The following GPBP1 variants were observed in gnomAD, a reference collection of about 807,000 sequenced individuals.
GPBP1 encodes the protein GC-rich promoter binding protein 1, also known as vasculin.
In GPBP1, 13 loss-of-function variants were observed where a neutral mutation model predicts 56.5. The observed-to-expected ratio is 0.23, with a 90% CI of 0.15 to 0.37. The LOEUF (loss-of-function observed/expected upper bound fraction) is 0.37, where lower values mean the gene tolerates loss of function less well. Among genes scored for constraint, GPBP1 ranks in the 10% least tolerant of loss-of-function variants. The pLI is 1.00. For missense variants in GPBP1, 477 were observed against 572.3 expected, an observed-to-expected ratio of 0.83 and a Z score of 1.70; for synonymous variants, 204 against 188.9, an observed-to-expected ratio of 1.08 and a Z score of -0.66.
chr5:57,236,621 T>A (rs575670699), intron 6 of GPBP1, among the ~76,000 whole-genome samples: 11 of 152,072 alleles, frequency 7.2e-5, no homozygotes, highest in Non-Finnish European at 1.5e-4. Flanking sequence ...TTTAAAAGAC[T>A]GCTGACAGTT....
At chr5:57,213,740 AGTT>A (rs1263389481) in intron 2 of GPBP1, among the ~76,000 whole-genome samples, 1 of 152,178 alleles carries the variant, frequency 6.6e-6, no homozygotes, top group Non-Finnish European at 1.5e-5. Context: ...TTTGATGTCT[AGTT>A]GTCTATTTGA....
chr5:57,178,768 T>G (rs1753909150), intron 2 of GPBP1, among the ~76,000 whole-genome samples: 1 of 152,248 alleles, frequency 6.6e-6, no homozygotes, highest in African/African-American at 2.4e-5. Flanking sequence ...GAATAAATAG[T>G]TGCATCCGTT....
chr5:57,196,008 T>TAAAAAAA (rs1561330293), intron 2 of GPBP1, among the ~76,000 whole-genome samples: 14 of 53,960 alleles, frequency 2.6e-4, no homozygotes, highest in South Asian at 1.2e-3. Context: ...AAAAAAAAAT[T>TAAAAAAA]TTTTTTTTTT....
intron 2 of GPBP1, among the ~76,000 whole-genome samples, chr5:57,187,886 GATAT>G (rs35653365): frequency 4.7e-5 from 7 of 149,010 alleles, no homozygotes; most frequent in Admixed American, 2.7e-4. Context: ...GCAGAAACCA[GATAT>G]ATATATATAT....
intron 2 of GPBP1, among the ~76,000 whole-genome samples, chr5:57,202,380 C>T (rs995614449): frequency 2.0e-5 from 3 of 152,136 alleles, no homozygotes; most frequent in Non-Finnish European, 2.9e-5. Flanking sequence ...GCTTCACCTC[C>T]CAGGTTGAAG....
At position 57,239,368 on chromosome 5, in the gene GPBP1, G is replaced by A. The variant is rs541754766; in HGVS notation, c.478+3336G>A. Among the ~76,000 whole-genome samples the A allele has an allele frequency of 9.2e-5, 14 of 152,278 alleles. No individual in the cohort carries two copies. The East Asian group carries it at 1.7e-3, about 19-fold the overall frequency. ...TATATGAATAACGTTGAGAGCCCCCGTTAAAGGGGGAAAGTACCATATCGA... is the reference window on the plus strand; with the variant it reads ...TATATGAATAACGTTGAGAGCCCCCATTAAAGGGGGAAAGTACCATATCGA... On this transcript the variant is annotated intron_variant, in intron 6 of 11. Coordinates refer to ENST00000506184, the MANE Select transcript of GPBP1 (RefSeq NM_022913.4).
chr5:57,217,714 A>C (rs1192649587), intron 3 of GPBP1, among the ~76,000 whole-genome samples: 1 of 151,914 alleles, frequency 6.6e-6, no homozygotes, highest in African/African-American at 2.4e-5. Context: ...CCATTTTCAG[A>C]AAAAGCATAT....
rs1753782030 is a variant in GPBP1 at position 57,176,181 on chromosome 5, A to G, written c.-277A>G. ...ATAATAAAGAAGACTTTGATCTTAA[A>G]TCTAAAGAACTTGGCTAATTCGGGA... is the stretch of plus-strand genomic sequence containing the variant. On this transcript the variant is annotated 5_prime_UTR_variant, in exon 2 of 12. Transcript: ENST00000506184. 1 of 394,232 alleles carries G rather than the reference A, an allele frequency of 2.5e-6. No homozygotes were observed. Among genetic ancestry groups the G allele is most frequent in the South Asian group, 1.4e-4 (1 of 7,026 alleles). 24.4% of individuals were successfully genotyped at this position (394,232 alleles called of 1,614,324 possible). A position where few individuals can be genotyped will look rare whatever the true frequency, so the allele number is the denominator to read the frequency against.
chr5:57,214,238 AT>A, intron 3 of GPBP1, 45 bp downstream of exon 3: 1 of 1,404,990 alleles, frequency 7.1e-7, no homozygotes, highest in Non-Finnish European at 1.0e-6. Context: ...TCTTGCATTC[AT>A]TTTTTACACA....
intron 6 of GPBP1, chr5:57,245,548 G>GT (rs1741050713): frequency 6.6e-6 from 1 of 152,288 alleles, no homozygotes; most frequent in Admixed American, 6.5e-5. Context: ...GCTTTTAAAA[G>GT]TTTTTGTAAG....
chr5:57,245,999 A>G (rs1741070337), intron 6 of GPBP1: 1 of 207,322 alleles, frequency 4.8e-6, no homozygotes, highest in South Asian at 1.8e-4. Flanking sequence ...TTTTATAGTT[A>G]ATGCAAGGCA....
In GPBP1 at chr5:57,219,567, T is replaced by C. The variant is rs78964777; in HGVS notation, c.63+5374T>C. Among the ~76,000 whole-genome samples, 1,663 of 152,088 alleles carry C rather than the reference T, an allele frequency of 0.011. 49 individuals carry two copies. The East Asian group carries it at 0.13, about 12-fold the overall frequency. ...TTATTGACTTTTGCCACCTTCTCAT[T>C]CGTGTGTGGGTCCCTGGAATTCCCC... On this transcript the variant is annotated intron_variant, in intron 3 of 11. Transcript: ENST00000506184.
At chr5:57,233,508 C>T (rs977422187) in intron 5 of GPBP1, among the ~76,000 whole-genome samples, 91 of 152,178 alleles carry the variant, frequency 6.0e-4, no homozygotes, top group Admixed American at 3.2e-3. Context: ...TAGTAGCCTA[C>T]TGCTGACCAA....
At position 57,219,286 on chromosome 5, in the gene GPBP1, G is replaced by T. The variant is rs189352644; in HGVS notation, c.63+5093G>T. ...AGCTACTCGGGAGGCTGAGGCAGGAGAATTGCTTGAACCCGGGAGGCAGAG... is the reference window on the plus strand; with the variant it reads ...AGCTACTCGGGAGGCTGAGGCAGGATAATTGCTTGAACCCGGGAGGCAGAG... On this transcript the variant is annotated intron_variant, in intron 3 of 11. Coordinates refer to ENST00000506184, the MANE Select transcript of GPBP1 (RefSeq NM_022913.4). 7.5e-5 allele frequency among the ~76,000 whole-genome samples: 11 copies of T among 145,916 alleles called. No individual in the cohort carries two copies. The East Asian group carries it at 2.3e-3, about 30-fold the overall frequency.
At chr5:57,219,411 C>CAAAAAAAAA (rs1561348407) in intron 3 of GPBP1, among the ~76,000 whole-genome samples, 19 of 75,868 alleles carry the variant, frequency 2.5e-4, no homozygotes, top group South Asian at 5.1e-4. Flanking sequence ...AAACCAAAAA[C>CAAAAAAAAA]AAACAAACAA....
At chr5:57,227,523 A>G (rs1353847668) in intron 3 of GPBP1, among the ~76,000 whole-genome samples, 1 of 152,212 alleles carries the variant, frequency 6.6e-6, no homozygotes, top group Non-Finnish European at 1.5e-5. Context: ...TATGCCAAGA[A>G]TGCAAAATCT....
intron 6 of GPBP1, chr5:57,237,250 T>G: frequency 3.2e-6 from 3 of 936,692 alleles, no homozygotes; most frequent in Non-Finnish European, 5.1e-6. Context: ...AGGTGTTAAA[T>G]AGAATCTCTA....
intron 2 of GPBP1, among the ~76,000 whole-genome samples, chr5:57,177,131 T>C (rs1753818877): frequency 6.6e-6 from 1 of 152,184 alleles, no homozygotes; most frequent in African/African-American, 2.4e-5. Context: ...CATTTTTTTT[T>C]CCACTCAAGA....
At chr5:57,254,704 A>AT (rs1439173874) in intron 10 of GPBP1, among the ~76,000 whole-genome samples, 1 of 152,166 alleles carries the variant, frequency 6.6e-6, no homozygotes, top group Non-Finnish European at 1.5e-5. Flanking sequence ...AAAAAAAAAA[A>AT]AAAAAGAGTA....
Sources: gnomAD v4.1 joint callset for allele counts (sites outside exome capture counted in the v4.1 genomes callset) on GRCh38, gnomAD v4.1.1 for gene constraint, MANE v1.5 for transcripts, NCBI Gene and HGNC (gene_info 2026-07-23, HGNC 2026-07-21) for gene names.